Variants in ARID5B observed in about 807,000 individuals in gnomAD.
The protein encoded by ARID5B is AT-rich interactive domain-containing protein 5B.
A neutral mutation model predicts 97.2 loss-of-function variants in ARID5B; 13 were observed. The ratio of observed to expected loss-of-function variants is 0.13; its 90% CI spans 0.09 to 0.21. The LOEUF (loss-of-function observed/expected upper bound fraction) is 0.21, where lower values mean the gene tolerates loss of function less well. Among genes scored for constraint, ARID5B ranks in the 10% least tolerant of loss-of-function variants. The pLI, the probability that ARID5B is intolerant of heterozygous loss-of-function variation, is 1.00. For missense variants in ARID5B, 1,210 were observed against 1,465.3 expected, an observed-to-expected ratio of 0.83 and a Z score of 2.84; for synonymous variants, 556 against 570.3, an observed-to-expected ratio of 0.97 and a Z score of 0.36.
At chr10:61,910,609 C>A (rs1451783328) in intron 2 of ARID5B, among the ~76,000 whole-genome samples, 1 of 152,164 alleles carries the variant, frequency 6.6e-6, no homozygotes, top group Non-Finnish European at 1.5e-5. Flanking sequence ...GGTCTTAGCC[C>A]TCCAGCATAC....
chr10:62,091,345 G>T lies in ARID5B; in HGVS notation c.1882G>T (p.Val628Leu). 1 of 1,614,162 alleles carries T rather than the reference G, an allele frequency of 6.2e-7. No homozygotes were observed. Among genetic ancestry groups the T allele is most frequent in the Non-Finnish European group, 8.5e-7 (1 of 1,180,016 alleles). ...GGCAGATTACATTGCCAACTGCACC[G>T]TGAAGGTGGACCAGCTGGGCAGTGA... Reference protein sequence around the residue: ...AMADYIANCTVKVDQLGSDDI... With the variant: ...AMADYIANCTLKVDQLGSDDI... The change falls in exon 10 of 10, where the codon GTG (valine) becomes TTG (leucine). Residue 628 changes from valine (V) to leucine (L), a missense_variant. Val to Leu is a conservative substitution (Grantham distance 32). Coordinates refer to ENST00000279873, the MANE Select transcript of ARID5B (RefSeq NM_032199.3).
At chr10:62,057,361 A>G (rs201473766) in intron 6 of ARID5B, 43 bp downstream of exon 6, 22 of 1,555,466 alleles carry the variant, frequency 1.4e-5, no homozygotes, top group Admixed American at 1.9e-5. Context: ...AGAGCTGCTC[A>G]GATTCTTTGA....
At chr10:61,963,805 T>G (rs890730424) in intron 3 of ARID5B, among the ~76,000 whole-genome samples, 34 of 152,032 alleles carry the variant, frequency 2.2e-4, no homozygotes, top group African/African-American at 8.0e-4. Flanking sequence ...TGTGTGCAGT[T>G]ACTATAGTTG....
At chr10:62,073,218 T>G (rs948178178) in intron 8 of ARID5B, among the ~76,000 whole-genome samples, 1 of 152,200 alleles carries the variant, frequency 6.6e-6, no homozygotes, top group Non-Finnish European at 1.5e-5. Flanking sequence ...TTTTCCTATT[T>G]CCCTGCCACC....
chr10:62,044,514 A>G (rs2132922497), intron 4 of ARID5B, among the ~76,000 whole-genome samples: 1 of 151,736 alleles, frequency 6.6e-6, no homozygotes. Flanking sequence ...CCAACTAGCT[A>G]GGACTACAGG....
In ARID5B at chr10:62,093,108, G is replaced by A. The variant is rs1389346752; in HGVS notation, c.*78G>A. The A allele has an allele frequency of 4.6e-6, 7 of 1,507,412 alleles. No individual in the cohort carries two copies. The highest frequency in any genetic ancestry group is 6.2e-6 in the Non-Finnish European group (7 of 1,135,572). The allele number at this position is 1,507,412 out of a possible 1,614,324, so 93.4% of individuals were successfully genotyped here. On this transcript the variant is annotated 3_prime_UTR_variant, in exon 10 of 10. Coordinates refer to ENST00000279873, the MANE Select transcript of ARID5B (RefSeq NM_032199.3). ...TTACCCAGGAGTGCTGGCTTATAGA[G>A]TTAGAAGTCAGTATTTCTTCTAATC...
intron 4 of ARID5B, among the ~76,000 whole-genome samples, chr10:62,032,213 G>T (rs1839506116): frequency 6.6e-6 from 1 of 152,178 alleles, no homozygotes; most frequent in Non-Finnish European, 1.5e-5. Context: ...CAGTTACTTG[G>T]AAGGCTGAGG....
chr10:61,932,860 A>T (rs985809850), intron 2 of ARID5B, among the ~76,000 whole-genome samples: 2 of 152,094 alleles, frequency 1.3e-5, no homozygotes, highest in African/African-American at 2.4e-5. Flanking sequence ...CTTCGGGAGG[A>T]TGAGGAAAGA....
intron 7 of ARID5B, among the ~76,000 whole-genome samples, chr10:62,062,123 T>C (rs551615952): frequency 6.6e-6 from 1 of 152,326 alleles, no homozygotes; most frequent in Non-Finnish European, 1.5e-5. Flanking sequence ...CTAATAAAAC[T>C]GTGAGATGTT....
In ARID5B at chr10:62,095,981, AT is replaced by A. The variant is rs1216933143; in HGVS notation, c.*2956del. 1 of 232,490 alleles carries A rather than the reference AT, an allele frequency of 4.3e-6. No homozygotes were observed. The highest frequency in any genetic ancestry group is 2.2e-5 in the African/African-American group (1 of 45,326). The allele number at this position is 232,490 out of a possible 1,614,324, so 14.4% of individuals were successfully genotyped here. On this transcript the variant is annotated 3_prime_UTR_variant, in exon 10 of 10. Coordinates refer to ENST00000279873, the MANE Select transcript of ARID5B (RefSeq NM_032199.3). ...TGGAGATTTGGAGATTCTAAATAAT[AT>A]TTTTAAAAAACTTCCATGCAACTTC...
intron 3 of ARID5B, among the ~76,000 whole-genome samples, chr10:61,989,538 A>G (rs1035181748): frequency 1.1e-4 from 16 of 152,256 alleles, no homozygotes; most frequent in Admixed American, 9.2e-4. Flanking sequence ...GTGATTAACT[A>G]TAATTAGAAG....
At chr10:62,022,041 C>T (rs149211700) in intron 4 of ARID5B, among the ~76,000 whole-genome samples, 29 of 152,326 alleles carry the variant, frequency 1.9e-4, no homozygotes, top group African/African-American at 7.0e-4. Context: ...ATTTTAGTAG[C>T]TTTAAGCCCT....
rs550041770 is a variant in ARID5B, at chr10:62,092,496, G to C, written c.3033G>C (p.Pro1011=). 4.3e-6 allele frequency: 7 copies of C among 1,614,172 alleles called. No individual in the cohort carries two copies. The African/African-American group carries it at 9.3e-5, about 22-fold the overall frequency. The change falls in exon 10 of 10, where the codon CCG becomes CCC. Residue 1011 remains proline (P), a synonymous_variant. Transcript: ENST00000279873. ...MSPQNIGAAR[P]IKRSLEDLDL... is the part of the protein sequence containing the mutation. ...CGCAGAACATTGGGGCGGCGCGGCC[G>C]ATCAAGCGCAGCCTGGAGGATTTGG...
intron 2 of ARID5B, among the ~76,000 whole-genome samples, chr10:61,905,441 G>A (rs987028047): frequency 6.2e-5 from 9 of 144,260 alleles, no homozygotes; most frequent in Non-Finnish European, 1.2e-4. Context: ...GTGATTTGCA[G>A]AGGGTTTTTT....
chr10:62,038,179 G>A (rs1474872331), intron 4 of ARID5B, among the ~76,000 whole-genome samples: 7 of 152,114 alleles, frequency 4.6e-5, no homozygotes, highest in Non-Finnish European at 8.8e-5. Context: ...TTGTTGAAAG[G>A]CATACAGCAG....
chr10:62,018,553 C>T (rs1253850804), intron 4 of ARID5B, among the ~76,000 whole-genome samples: 1 of 150,020 alleles, frequency 6.7e-6, no homozygotes, highest in East Asian at 1.9e-4. Flanking sequence ...GCCCGGTCTC[C>T]ATGTTGGCAT....
intron 8 of ARID5B, among the ~76,000 whole-genome samples, chr10:62,071,842 G>T (rs1267105472): frequency 2.0e-5 from 3 of 152,092 alleles, no homozygotes; most frequent in African/African-American, 7.2e-5. Flanking sequence ...TTCCATAAAG[G>T]TTTGCTTTCT....
intron 3 of ARID5B, among the ~76,000 whole-genome samples, chr10:61,954,444 A>G (rs1838364526): frequency 6.6e-6 from 1 of 152,200 alleles, no homozygotes; most frequent in African/African-American, 2.4e-5. Flanking sequence ...GTATTGTCCT[A>G]CAGACCTGCT....
intron 3 of ARID5B, among the ~76,000 whole-genome samples, chr10:61,987,410 C>A (rs1838862898): frequency 6.6e-6 from 1 of 152,226 alleles, no homozygotes; most frequent in Non-Finnish European, 1.5e-5. Flanking sequence ...CTTCAAAGAA[C>A]CCATATTCTG....
Sources: allele counts gnomAD v4.1 joint callset (sites outside exome capture counted in the v4.1 genomes callset), GRCh38; gene constraint gnomAD v4.1.1; transcripts MANE v1.5; gene names NCBI Gene and HGNC (gene_info 2026-07-23, HGNC 2026-07-21).